MTUS2: variants seen among roughly 807,000 people sequenced by gnomAD.
MTUS2 encodes the protein microtubule associated scaffold protein 2, also known as microtubule-associated tumor suppressor candidate 2.
MTUS2 carries 40 observed loss-of-function variants against 114.1 expected under a neutral mutation model. That is an observed-to-expected ratio of 0.35 (90% CI 0.27 to 0.46). The LOEUF is 0.46. Among genes scored for constraint, MTUS2 ranks in the 20% least tolerant of loss-of-function variants. The pLI, the probability that MTUS2 is intolerant of heterozygous loss-of-function variation, is 1.00. For missense variants in MTUS2, 1,679 were observed against 1,705.4 expected (o/e 0.98, Z 0.27); for synonymous variants, 688 against 672.0 (o/e 1.02, Z -0.37).
intron 5 of MTUS2, among the ~76,000 whole-genome samples, chr13:29,210,701 G>T (rs879491237): frequency 7.2e-5 from 11 of 152,000 alleles, no homozygotes; most frequent in Non-Finnish European, 1.6e-4. Context: ...ATTTTTTCTG[G>T]GTCTAGCCAC....
intron 5 of MTUS2, among the ~76,000 whole-genome samples, chr13:29,258,437 C>G (rs772759632): frequency 5.3e-5 from 8 of 152,182 alleles, no homozygotes; most frequent in Admixed American, 1.3e-4. Context: ...ATCTCCCATT[C>G]TTAAAGGCAA....
intron 2 of MTUS2, among the ~76,000 whole-genome samples, chr13:28,877,876 T>C (rs1878040411): frequency 6.6e-6 from 1 of 152,222 alleles, no homozygotes; most frequent in Non-Finnish European, 1.5e-5. Context: ...TTCTCTATGC[T>C]GGTGTTTATT....
At chr13:29,011,481 G>A (rs1330700851) in intron 2 of MTUS2, among the ~76,000 whole-genome samples, 1 of 152,036 alleles carries the variant, frequency 6.6e-6, no homozygotes, top group African/African-American at 2.4e-5. Flanking sequence ...TCAATCTTTG[G>A]TGAAATATTG....
At chr13:29,066,027 G>A (rs1191333767) in intron 4 of MTUS2, among the ~76,000 whole-genome samples, 4 of 151,950 alleles carry the variant, frequency 2.6e-5, no homozygotes, top group East Asian at 1.9e-4. Context: ...CAGTGGCCTC[G>A]ATTCAGTTCT....
At chr13:29,476,368 A>ATTT (rs1555284031) in intron 9 of MTUS2, 1 of 152,224 alleles carries the variant, frequency 6.6e-6, no homozygotes, top group Non-Finnish European at 1.5e-5. Flanking sequence ...TAGGGTTTTC[A>ATTT]TTGTTTTATT....
intron 5 of MTUS2, among the ~76,000 whole-genome samples, chr13:29,124,400 GCTA>G (rs1351099323): frequency 6.6e-6 from 1 of 152,100 alleles, no homozygotes; most frequent in Non-Finnish European, 1.5e-5. Context: ...CATTAAGTTG[GCTA>G]CTATTTTTTT....
chr13:28,978,560 C>A (rs9551583), intron 2 of MTUS2, among the ~76,000 whole-genome samples: 1 of 152,042 alleles, frequency 6.6e-6, no homozygotes, highest in Admixed American at 6.5e-5. Context: ...GCTTAGCAGG[C>A]CATCTTTGTT....
In MTUS2 at chr13:29,389,733, GTA is replaced by G. The variant is rs1178303439; in HGVS notation, c.3117+30264_3117+30265del. On this transcript the variant is annotated intron_variant, in intron 8 of 15. Coordinates refer to ENST00000612955, the MANE Select transcript of MTUS2 (RefSeq NM_001033602.4). ...TATGTATATATACATACATATGTGT[GTA>G]TATGTATATACATACATATGTGTGT... Among the ~76,000 whole-genome samples, 65 of 88,642 alleles carry G rather than the reference GTA, an allele frequency of 7.3e-4. 8 individuals carry two copies. The highest frequency in any genetic ancestry group is 3.2e-3 in the African/African-American group (64 of 20,076). 58.2% of individuals were successfully genotyped at this position (88,642 alleles called of 152,430 possible).
intron 2 of MTUS2, among the ~76,000 whole-genome samples, chr13:28,884,972 G>A (rs1878507101): frequency 6.6e-6 from 1 of 152,140 alleles, no homozygotes; most frequent in Admixed American, 6.6e-5. Flanking sequence ...CTGTGTGTGT[G>A]TGTGTATAAA....
rs12868888 is a variant in MTUS2, at chr13:29,307,663, G to T, written c.2807-16950G>T. On this transcript the variant is annotated intron_variant, in intron 6 of 15. Transcript: ENST00000612955. ...CAGCGACACCCACTCTTCCACCTTC[G>T]ACGCTGGGGCTAGCATTGCCCTCAA... The T allele has an allele frequency of 1.3e-4, 145 of 1,125,600 alleles. 1 individual carries two copies. The highest frequency in any genetic ancestry group is 1.8e-4 in the Non-Finnish European group (135 of 741,454). The allele number at this position is 1,125,600 out of a possible 1,614,324, so 69.7% of individuals were successfully genotyped here.
At chr13:29,263,449 A>G (rs1897550803) in intron 5 of MTUS2, among the ~76,000 whole-genome samples, 1 of 152,166 alleles carries the variant, frequency 6.6e-6, no homozygotes, top group Admixed American at 6.5e-5. Flanking sequence ...GAGTAGTGAA[A>G]TGCGTCTCTG....
intron 5 of MTUS2, among the ~76,000 whole-genome samples, chr13:29,180,827 C>A (rs903241559): frequency 6.6e-6 from 1 of 152,106 alleles, no homozygotes; most frequent in Non-Finnish European, 1.5e-5. Context: ...AGCCTTTGGC[C>A]TCATCAGCAC....
At chr13:29,360,187 A>G (rs1330307316) in intron 8 of MTUS2, among the ~76,000 whole-genome samples, 5 of 152,222 alleles carry the variant, frequency 3.3e-5, no homozygotes, top group African/African-American at 1.2e-4. Flanking sequence ...CTTGGGGGAG[A>G]AAAAGCATAA....
intron 5 of MTUS2, among the ~76,000 whole-genome samples, chr13:29,181,956 T>TA (rs1229875095): frequency 1.3e-5 from 2 of 152,222 alleles, no homozygotes; most frequent in Admixed American, 6.5e-5. Flanking sequence ...ATGTTTTTAT[T>TA]ATACTGTAAT....
chr13:29,401,143 G>A (rs1234167717), intron 8 of MTUS2, among the ~76,000 whole-genome samples: 1 of 151,968 alleles, frequency 6.6e-6, no homozygotes, highest in Non-Finnish European at 1.5e-5. Flanking sequence ...ACACACCGCC[G>A]TGACTGGCTA....
intron 9 of MTUS2, among the ~76,000 whole-genome samples, chr13:29,474,822 T>C (rs1312079875): frequency 2.0e-5 from 3 of 152,196 alleles, no homozygotes; most frequent in Non-Finnish European, 2.9e-5. Context: ...TTAAAAGATA[T>C]GTGTCATTTA....
chr13:29,079,551 C>G (rs1005761709), intron 4 of MTUS2, among the ~76,000 whole-genome samples: 1 of 152,058 alleles, frequency 6.6e-6, no homozygotes, highest in Non-Finnish European at 1.5e-5. Context: ...TTTTCACACA[C>G]CTTGAAGCTT....
At chr13:29,173,114 G>A (rs1893629437) in intron 5 of MTUS2, among the ~76,000 whole-genome samples, 1 of 151,876 alleles carries the variant, frequency 6.6e-6, no homozygotes. Context: ...ATTGTAAACT[G>A]TTCTATAATA....
At chr13:29,393,161 A>C (rs1873639471) in intron 8 of MTUS2, among the ~76,000 whole-genome samples, 1 of 152,208 alleles carries the variant, frequency 6.6e-6, no homozygotes, top group South Asian at 2.1e-4. Context: ...AGTCCAGCAA[A>C]GCCTCCAGAG....
Sources: allele counts gnomAD v4.1 joint callset (sites outside exome capture counted in the v4.1 genomes callset), GRCh38; gene constraint gnomAD v4.1.1; transcripts MANE v1.5; gene names NCBI Gene and HGNC (gene_info 2026-07-23, HGNC 2026-07-21).